GAREM1: variants seen among roughly 807,000 people sequenced by gnomAD.
GAREM1 encodes GRB2 associated regulator of MAPK1 subtype 1.
Under a neutral mutation model 71.3 loss-of-function variants are expected in GAREM1, and 26 were observed. The ratio of observed to expected loss-of-function variants is 0.36; its 90% CI spans 0.27 to 0.51. The LOEUF (loss-of-function observed/expected upper bound fraction) is 0.51, where lower values mean the gene tolerates loss of function less well. Ranked by LOEUF, GAREM1 falls within the 20% of genes least tolerant of loss-of-function variation. GAREM1 has a pLI of 0.95. For missense variants in GAREM1, 1,026 were observed against 1,103.1 expected, an observed-to-expected ratio of 0.93 and a Z score of 0.99; for synonymous variants, 440 against 433.2, an observed-to-expected ratio of 1.02 and a Z score of -0.20.
intron 1 of GAREM1, among the ~76,000 whole-genome samples, chr18:32,417,377 G>C (rs549225871): frequency 6.6e-6 from 1 of 152,280 alleles, no homozygotes; most frequent in South Asian, 2.1e-4. Flanking sequence ...GGTACAGATA[G>C]AAAGGAAAGG....
At chr18:32,382,764 G>A (rs1356163222) in intron 2 of GAREM1, among the ~76,000 whole-genome samples, 1 of 152,156 alleles carries the variant, frequency 6.6e-6, no homozygotes, top group South Asian at 2.1e-4. Flanking sequence ...GAAAGGAGGA[G>A]CAGTTTTGAT....
At chr18:32,280,629 T>C (rs1212833812) in intron 4 of GAREM1, among the ~76,000 whole-genome samples, 1 of 152,226 alleles carries the variant, frequency 6.6e-6, no homozygotes, top group Non-Finnish European at 1.5e-5. Flanking sequence ...CATATGATGA[T>C]TACAAAGTTT....
chr18:32,461,275 G>A (rs1599065368), intron 1 of GAREM1, among the ~76,000 whole-genome samples: 4 of 152,232 alleles, frequency 2.6e-5, no homozygotes, highest in Admixed American at 2.6e-4. Context: ...ATTGTGCTAA[G>A]AGCTGAAAAA....
At chr18:32,454,092 A>C (rs978815119) in intron 1 of GAREM1, among the ~76,000 whole-genome samples, 20 of 152,190 alleles carry the variant, frequency 1.3e-4, no homozygotes, top group African/African-American at 3.4e-4. Flanking sequence ...TTGTTAAATG[A>C]GTAAGCTAAC....
At chr18:32,370,397 T>C (rs1423603467) in intron 2 of GAREM1, among the ~76,000 whole-genome samples, 6 of 137,914 alleles carry the variant, frequency 4.4e-5, no homozygotes, top group Admixed American at 2.3e-4. Flanking sequence ...CACTCCAGCC[T>C]GGCAACAGAG....
chr18:32,389,190 A>G (rs1015994336), intron 2 of GAREM1, among the ~76,000 whole-genome samples: 13 of 152,196 alleles, frequency 8.5e-5, no homozygotes, highest in Non-Finnish European at 5.9e-5. Context: ...TTACAAAAGC[A>G]AAACAAAAAA....
At chr18:32,462,932 C>T (rs935098763) in intron 1 of GAREM1, among the ~76,000 whole-genome samples, 16 of 152,060 alleles carry the variant, frequency 1.1e-4, no homozygotes, top group Admixed American at 5.9e-4. Flanking sequence ...CAGAGAAAAG[C>T]GGGGCAACTG....
chr18:32,339,006 G>C (rs1471189191), intron 2 of GAREM1, among the ~76,000 whole-genome samples: 1 of 152,140 alleles, frequency 6.6e-6, no homozygotes, highest in East Asian at 1.9e-4. Flanking sequence ...GTCCCAAACT[G>C]CAGCTCTTTA....
chr18:32,436,083 A>G (rs545832454), intron 1 of GAREM1, among the ~76,000 whole-genome samples: 9 of 152,208 alleles, frequency 5.9e-5, no homozygotes, highest in Non-Finnish European at 8.8e-5. Flanking sequence ...GAATAATAAA[A>G]TATATCAAAG....
chr18:32,308,634 G>C (rs1005161378), intron 3 of GAREM1, among the ~76,000 whole-genome samples: 3 of 149,582 alleles, frequency 2.0e-5, no homozygotes, highest in Admixed American at 1.3e-4. Context: ...AATGAGTCTA[G>C]GTATGTTTAA....
chr18:32,457,163 T>C (rs1044456800), intron 1 of GAREM1, among the ~76,000 whole-genome samples: 2 of 107,262 alleles, frequency 1.9e-5, no homozygotes, highest in East Asian at 6.4e-4. Flanking sequence ...TTATGTAAAA[T>C]TGTGTGTGGG....
At chr18:32,367,464 T>C (rs368769057) in intron 2 of GAREM1, among the ~76,000 whole-genome samples, 4 of 152,226 alleles carry the variant, frequency 2.6e-5, no homozygotes, top group Non-Finnish European at 4.4e-5. Flanking sequence ...TAGATTTATA[T>C]AGCATCTAGG....
chr18:32,423,584 AAG>A (rs1253839220), intron 1 of GAREM1, among the ~76,000 whole-genome samples: 1 of 152,188 alleles, frequency 6.6e-6, no homozygotes, highest in Non-Finnish European at 1.5e-5. Flanking sequence ...TGACAATAGA[AAG>A]AGCTCTTTAA....
At chr18:32,412,557 C>T in intron 1 of GAREM1, 1 of 1,596,040 alleles carries the variant, frequency 6.3e-7, no homozygotes, top group Non-Finnish European at 8.5e-7. Context: ...GAAACCACCT[C>T]CACGACCACC....
chr18:32,302,729 G>A (rs2047212899), intron 3 of GAREM1, among the ~76,000 whole-genome samples: 1 of 152,124 alleles, frequency 6.6e-6, no homozygotes, highest in East Asian at 1.9e-4. Context: ...GGAAGATGCT[G>A]GTCAAAGGGT....
intron 2 of GAREM1, among the ~76,000 whole-genome samples, chr18:32,391,974 G>A (rs140908845): frequency 2.2e-4 from 33 of 152,190 alleles, no homozygotes; most frequent in Non-Finnish European, 1.0e-4. Context: ...ACCATTTACT[G>A]TGTCTAGACA....
intron 3 of GAREM1, among the ~76,000 whole-genome samples, chr18:32,302,760 G>A (rs1045010477): frequency 2.0e-5 from 3 of 152,158 alleles, no homozygotes; most frequent in Non-Finnish European, 4.4e-5. Context: ...GGTAGAATGG[G>A]GGGAAACTGA....
intron 2 of GAREM1, among the ~76,000 whole-genome samples, chr18:32,350,290 T>A (rs1054257289): frequency 1.3e-5 from 2 of 152,184 alleles, no homozygotes; most frequent in African/African-American, 4.8e-5. Flanking sequence ...CTTTATAGTT[T>A]GGAAAATAAG....
Position 32,287,914 on chromosome 18 carries a change from T to G in GAREM1, c.683A>C (p.Gln228Pro), listed in dbSNP as rs1272460505. 4 of 1,614,004 alleles carry G rather than the reference T, an allele frequency of 2.5e-6. No homozygotes were observed. Among genetic ancestry groups the G allele is most frequent in the Non-Finnish European group, 3.4e-6 (4 of 1,180,022 alleles). Residue 228 changes from glutamine to proline, a missense_variant, in exon 4 of 6, where the codon CAG becomes CCG. By Grantham distance (76) the Gln-to-Pro change is moderately conservative. Transcript: ENST00000269209. This position sits in a 1 kb window ranked among gnomAD's most constrained non-coding sequence, Gnocchi z 5.9. Reference protein sequence around the residue: ...RFSTRSPLELQMQEGEHTIRN... With the variant: ...RFSTRSPLELPMQEGEHTIRN... ...GATGGTGTGTTCGCCCTCTTGCATC[T>G]GAAGTTCCAGGGGACTTCGGGTGCT...
Sources: allele counts gnomAD v4.1 joint callset (sites outside exome capture counted in the v4.1 genomes callset), GRCh38; gene constraint gnomAD v4.1.1; non-coding constraint Gnocchi (gnomAD v3.1); transcripts MANE v1.5; gene names NCBI Gene and HGNC (gene_info 2026-07-23, HGNC 2026-07-21).